Variants in TMEM117 observed in about 807,000 individuals in gnomAD.
The protein encoded by TMEM117 is transmembrane protein 117.
Under a neutral mutation model 52.4 loss-of-function variants are expected in TMEM117, and 27 were observed. The ratio of observed to expected loss-of-function variants is 0.51; its 90% CI spans 0.38 to 0.71. The LOEUF is 0.71. TMEM117 is among the 30% of genes least tolerant of loss of function. TMEM117 has a pLI of 0.00. For synonymous variants in TMEM117, 215 were observed against 206.3 expected, an observed-to-expected ratio of 1.04 and a Z score of -0.36; for missense variants, 556 against 630.5, an observed-to-expected ratio of 0.88 and a Z score of 1.26.
chr12:44,145,605 T>C (rs1194180478), intron 4 of TMEM117, among the ~76,000 whole-genome samples: 1 of 152,212 alleles, frequency 6.6e-6, no homozygotes, highest in Non-Finnish European at 1.5e-5. Context: ...TTAGCTTGGC[T>C]CAGTCCTTTG....
At chr12:43,825,467 C>T in the TMEM117 span, among the ~76,000 whole-genome samples, 2 of 152,036 alleles carry the variant, frequency 1.3e-5, 1 homozygote, top group South Asian at 4.1e-4. Context: ...GCTACCTTCT[C>T]TCCTCATTCT....
chr12:43,867,765 C>A lies in TMEM117; in HGVS notation c.277+22837C>A, dbSNP rs1452314527. Among the ~76,000 whole-genome samples, 7 of 152,106 alleles carry A rather than the reference C, an allele frequency of 4.6e-5. No individual in the cohort carries two copies. The East Asian group carries it at 1.4e-3, about 29-fold the overall frequency. On this transcript the variant is annotated intron_variant, in intron 2 of 7. Transcript: ENST00000266534. The stretch of plus-strand genomic sequence containing the variant: ...TCTGCACAATAAAACAATCATATAC[C>A]TATCTAGAGAATCAAAATATCTGAT...
At chr12:44,339,362 T>G (rs1951385553) in intron 6 of TMEM117, among the ~76,000 whole-genome samples, 1 of 151,932 alleles carries the variant, frequency 6.6e-6, no homozygotes, top group Admixed American at 6.6e-5. Flanking sequence ...TGGCCCTGAT[T>G]GCAATGATCT....
intron 4 of TMEM117, among the ~76,000 whole-genome samples, chr12:44,161,503 G>A (rs1948897753): frequency 6.6e-6 from 1 of 152,168 alleles, no homozygotes; most frequent in South Asian, 2.1e-4. Context: ...AAAGGAAAGT[G>A]AGGGACTAAT....
intron 3 of TMEM117, among the ~76,000 whole-genome samples, chr12:44,095,774 A>C (rs935629977): frequency 3.3e-5 from 5 of 152,180 alleles, no homozygotes; most frequent in African/African-American, 1.2e-4. Context: ...TGAATGGGCA[A>C]AAACTGGAAG....
intron 3 of TMEM117, among the ~76,000 whole-genome samples, chr12:44,018,537 T>C (rs1004121500): frequency 4.6e-5 from 7 of 152,188 alleles, no homozygotes; most frequent in African/African-American, 7.2e-5. Context: ...TTTCTTAGAT[T>C]ATGAAACTAA....
intron 4 of TMEM117, among the ~76,000 whole-genome samples, chr12:44,184,680 A>G (rs1219768877): frequency 1.3e-5 from 2 of 152,162 alleles, no homozygotes; most frequent in Admixed American, 1.3e-4. Flanking sequence ...AATGTCTTGA[A>G]AGCGATCCTT....
chr12:44,062,410 G>C (rs150367318), intron 3 of TMEM117, among the ~76,000 whole-genome samples: 2,279 of 152,240 alleles, frequency 0.015, 58 homozygotes, highest in African/African-American at 0.05. Context: ...ATGTCTCAGG[G>C]TATCTAATTA....
At chr12:44,397,552 G>A in the TMEM117 span, among the ~76,000 whole-genome samples, 1 of 152,134 alleles carries the variant, frequency 6.6e-6, no homozygotes, top group Non-Finnish European at 1.5e-5. Context: ...CTAAAACTCG[G>A]ACGAACTGTG....
intron 3 of TMEM117, among the ~76,000 whole-genome samples, chr12:43,984,789 T>C (rs1285801427): frequency 6.6e-6 from 1 of 152,210 alleles, no homozygotes; most frequent in Admixed American, 6.5e-5. Flanking sequence ...TTTTTGTTAA[T>C]CTCATTTGTC....
chr12:43,947,088 C>T (rs936429122), intron 3 of TMEM117, among the ~76,000 whole-genome samples: 1 of 152,164 alleles, frequency 6.6e-6, no homozygotes, highest in Non-Finnish European at 1.5e-5. Context: ...AATCCCAGTG[C>T]TTTGGGAGGC....
At chr12:43,875,732 G>T (rs909240203) in intron 2 of TMEM117, among the ~76,000 whole-genome samples, 1 of 152,160 alleles carries the variant, frequency 6.6e-6, no homozygotes, top group Admixed American at 6.5e-5. Flanking sequence ...CTATTGAAAG[G>T]AAGAATGACA....
intron 5 of TMEM117, among the ~76,000 whole-genome samples, chr12:44,255,211 C>G (rs1950245776): frequency 6.6e-6 from 1 of 152,080 alleles, no homozygotes; most frequent in Non-Finnish European, 1.5e-5. Context: ...ATTTCTAGTT[C>G]TAGATCCCTG....
intron 4 of TMEM117, among the ~76,000 whole-genome samples, chr12:44,144,483 C>T (rs1388327609): frequency 2.0e-5 from 3 of 152,198 alleles, no homozygotes; most frequent in African/African-American, 7.2e-5. Flanking sequence ...TCAGACAAGA[C>T]TTGGCATGGA....
intron 6 of TMEM117, among the ~76,000 whole-genome samples, chr12:44,356,212 G>A (rs1951646109): frequency 6.6e-6 from 1 of 152,072 alleles, no homozygotes; most frequent in Non-Finnish European, 1.5e-5. Context: ...AATCTGATAT[G>A]ATAAGAATGA....
At chr12:44,269,140 T>C (rs181320229) in intron 5 of TMEM117, among the ~76,000 whole-genome samples, 1 of 152,334 alleles carries the variant, frequency 6.6e-6, no homozygotes, top group Admixed American at 6.5e-5. Flanking sequence ...TTCTCTATTG[T>C]CTGACATTCA....
At chr12:44,215,335 C>T (rs1336251593) in intron 5 of TMEM117, among the ~76,000 whole-genome samples, 1 of 152,110 alleles carries the variant, frequency 6.6e-6, no homozygotes, top group Non-Finnish European at 1.5e-5. Flanking sequence ...TTTCTTTCTG[C>T]AGTTGTGCAA....
At chr12:43,999,697 G>T (rs1273512596) in intron 3 of TMEM117, among the ~76,000 whole-genome samples, 1 of 152,004 alleles carries the variant, frequency 6.6e-6, no homozygotes, top group African/African-American at 2.4e-5. Flanking sequence ...TCACCATGTT[G>T]CCCAACCTTG....
intron 5 of TMEM117, among the ~76,000 whole-genome samples, chr12:44,232,363 A>G (rs1949944581): frequency 6.6e-6 from 1 of 151,306 alleles, no homozygotes; most frequent in Non-Finnish European, 1.5e-5. Flanking sequence ...CCATTTATGG[A>G]AAAGTTTATT....
Sources: allele counts gnomAD v4.1 joint callset (sites outside exome capture counted in the v4.1 genomes callset), GRCh38; gene constraint gnomAD v4.1.1; transcripts MANE v1.5; gene names NCBI Gene and HGNC (gene_info 2026-07-23, HGNC 2026-07-21).